The following PTPN11 variants were observed in gnomAD, a reference collection of about 807,000 sequenced individuals.
PTPN11 encodes tyrosine-protein phosphatase non-receptor type 11.
PTPN11 carries 6 observed loss-of-function variants against 78.8 expected under a neutral mutation model. The ratio of observed to expected loss-of-function variants is 0.08; its 90% CI spans 0.04 to 0.15. PTPN11 has a LOEUF of 0.15. Ranked by LOEUF, PTPN11 falls within the 10% of genes least tolerant of loss-of-function variation. The pLI is 1.00. For synonymous variants in PTPN11, 221 were observed against 263.5 expected (o/e 0.84, Z 1.56); for missense variants, 386 against 744.8 (o/e 0.52, Z 5.61).
intron 2 of PTPN11, among the ~76,000 whole-genome samples, chr12:112,448,708 A>G (rs902147656): frequency 2.0e-5 from 3 of 152,060 alleles, no homozygotes; most frequent in African/African-American, 7.2e-5. Context: ...TATAACTTCT[A>G]TATACTGTCA....
At chr12:112,471,073 G>A (rs2038407249) in intron 6 of PTPN11, among the ~76,000 whole-genome samples, 1 of 152,146 alleles carries the variant, frequency 6.6e-6, no homozygotes, top group Non-Finnish European at 1.5e-5. Flanking sequence ...CTAGTTAAAT[G>A]CTTTTGTGAT....
At chr12:112,440,451 T>A (rs556636924) in intron 1 of PTPN11, among the ~76,000 whole-genome samples, 128 of 151,730 alleles carry the variant, frequency 8.4e-4, no homozygotes, top group African/African-American at 3.1e-3. Context: ...TTTTTTTGTA[T>A]TTTTAGTAGA....
At chr12:112,495,328 C>T (rs1372843435) in intron 13 of PTPN11, among the ~76,000 whole-genome samples, 5 of 152,194 alleles carry the variant, frequency 3.3e-5, no homozygotes, top group South Asian at 2.1e-4. Context: ...CTCCAATCTG[C>T]GACAGCTTCT....
chr12:112,420,535 G>T (rs1416351527), intron 1 of PTPN11, among the ~76,000 whole-genome samples: 1 of 151,952 alleles, frequency 6.6e-6, no homozygotes, highest in Non-Finnish European at 1.5e-5. Flanking sequence ...GTAGAGACAG[G>T]GTTTCACTAT....
chr12:112,483,631 A>C (rs1455161418), intron 10 of PTPN11, among the ~76,000 whole-genome samples: 1 of 152,138 alleles, frequency 6.6e-6, no homozygotes, highest in Non-Finnish European at 1.5e-5. Flanking sequence ...CCCTGTAGAG[A>C]CTGGAGGGGG....
intron 2 of PTPN11, 148 bp downstream of exon 2, chr12:112,446,546 C>T: frequency 1.8e-6 from 2 of 1,123,432 alleles, no homozygotes; most frequent in Non-Finnish European, 2.7e-6. Flanking sequence ...GAGTGGCCTC[C>T]TGGACATTTA....
intron 10 of PTPN11, among the ~76,000 whole-genome samples, chr12:112,485,826 C>T (rs2038665625): frequency 6.6e-6 from 1 of 151,920 alleles, no homozygotes; most frequent in African/African-American, 2.4e-5. Context: ...ACTAAAAATA[C>T]AAAAATTAGC....
chr12:112,428,637 T>C (rs2037660476), intron 1 of PTPN11, among the ~76,000 whole-genome samples: 1 of 151,782 alleles, frequency 6.6e-6, no homozygotes, highest in East Asian at 1.9e-4. Context: ...TTTTGGTAAT[T>C]ATGAATACTT....
chr12:112,443,700 T>G (rs955422427), intron 1 of PTPN11, among the ~76,000 whole-genome samples: 6 of 149,402 alleles, frequency 4.0e-5, no homozygotes, highest in Non-Finnish European at 1.5e-5. Context: ...TTGCCTGGCC[T>G]GGAGTGCAGT....
chr12:112,435,826 A>C (rs1373328886), intron 1 of PTPN11, among the ~76,000 whole-genome samples: 1 of 152,166 alleles, frequency 6.6e-6, no homozygotes, highest in Non-Finnish European at 1.5e-5. Flanking sequence ...ATATGATACC[A>C]AACATGAGCT....
intron 2 of PTPN11, among the ~76,000 whole-genome samples, chr12:112,449,177 A>G (rs1347037414): frequency 2.8e-5 from 4 of 143,750 alleles, no homozygotes; most frequent in South Asian, 2.4e-4. Flanking sequence ...GTGAGCCACC[A>G]TGCCTGGCCA....
chr12:112,440,266 TTC>T (rs2037864514), intron 1 of PTPN11, among the ~76,000 whole-genome samples: 1 of 152,202 alleles, frequency 6.6e-6, no homozygotes, highest in Admixed American at 6.5e-5. Context: ...TGAAATTCTA[TTC>T]TGTCTCAATT....
rs572274623 is a variant in PTPN11 at position 112,477,690 on chromosome 12, A to G, written c.893A>G (p.Asn298Ser). The change falls in exon 8 of 16, where the codon AAT becomes AGT. Residue 298 changes from asparagine to serine, a missense_variant. Asn to Ser is a conservative substitution (Grantham distance 46). Transcript: ENST00000351677. ...GTTGTCCTACACGATGGTGATCCCA[A>G]TGAGCCTGTTTCAGATTACATCAAT... ...TRVVLHDGDP[N>S]EPVSDYINAN... The G allele has an allele frequency of 2.0e-5, 32 of 1,613,566 alleles. No individual in the cohort carries two copies. In the Middle Eastern group the frequency reaches 5.1e-4, roughly 26 times the overall value.
chr12:112,421,444 A>G (rs914321992), intron 1 of PTPN11, among the ~76,000 whole-genome samples: 2 of 152,082 alleles, frequency 1.3e-5, no homozygotes. Context: ...GTCACTATGT[A>G]TTAGTTTGCA....
At chr12:112,462,084 A>G (rs2038256481) in intron 6 of PTPN11, among the ~76,000 whole-genome samples, 1 of 152,176 alleles carries the variant, frequency 6.6e-6, no homozygotes, top group African/African-American at 2.4e-5. Context: ...TCTGCTGGGC[A>G]CAGTGGCTCA....
At chr12:112,476,123 C>T (rs2038497847) in intron 7 of PTPN11, among the ~76,000 whole-genome samples, 1 of 152,090 alleles carries the variant, frequency 6.6e-6, no homozygotes, top group Non-Finnish European at 1.5e-5. Flanking sequence ...CTTTCTATGT[C>T]TAAGTTGTGA....
chr12:112,437,554 T>G (rs1274961040), intron 1 of PTPN11, among the ~76,000 whole-genome samples: 2 of 152,208 alleles, frequency 1.3e-5, no homozygotes, highest in African/African-American at 4.8e-5. Context: ...TCTTTTATAT[T>G]TTGTTTAGAA....
At chr12:112,457,789 AC>A (rs1348230803) in intron 6 of PTPN11, among the ~76,000 whole-genome samples, 2 of 152,192 alleles carry the variant, frequency 1.3e-5, no homozygotes, top group African/African-American at 4.8e-5. Flanking sequence ...TATATCACTT[AC>A]CCATTGACAA....
At position 112,419,098 on chromosome 12, in the gene PTPN11, A is replaced by C; in HGVS notation, c.-14A>C. On this transcript the variant is annotated 5_prime_UTR_variant, in exon 1 of 16. Coordinates refer to ENST00000351677, the MANE Select transcript of PTPN11 (RefSeq NM_002834.5). ...AGGAGCGGGTCCGTCGCGGAGCCGGAGGGCGGGAGGAACATGACATCGCGG... is the reference window on the plus strand; with the variant it reads ...AGGAGCGGGTCCGTCGCGGAGCCGGCGGGCGGGAGGAACATGACATCGCGG... 1 of 1,531,552 alleles carries C rather than the reference A, an allele frequency of 6.5e-7. No individual in the cohort carries two copies. Among genetic ancestry groups the C allele is most frequent in the Non-Finnish European group, 8.8e-7 (1 of 1,141,612 alleles). The allele number at this position is 1,531,552 out of a possible 1,614,324, so 94.9% of individuals were successfully genotyped here.
Sources: allele counts gnomAD v4.1 joint callset (sites outside exome capture counted in the v4.1 genomes callset), GRCh38; gene constraint gnomAD v4.1.1; transcripts MANE v1.5; gene names NCBI Gene and HGNC (gene_info 2026-07-23, HGNC 2026-07-21).